TLK2: variants seen among roughly 807,000 people sequenced by gnomAD.
The protein encoded by TLK2 is tousled like kinase 2.
A neutral mutation model predicts 117.3 loss-of-function variants in TLK2; 6 were observed. The ratio of observed to expected loss-of-function variants is 0.05; its 90% CI spans 0.03 to 0.10. The LOEUF (loss-of-function observed/expected upper bound fraction) is 0.10. Ranked by LOEUF, TLK2 falls within the 10% of genes least tolerant of loss-of-function variation. The pLI is 1.00. For synonymous variants in TLK2, 257 were observed against 316.7 expected (o/e 0.81, Z 2.00); for missense variants, 299 against 901.2 (o/e 0.33, Z 8.56).
At chr17:62,495,675 T>A (rs1043116763) in intron 2 of TLK2, among the ~76,000 whole-genome samples, 14 of 89,692 alleles carry the variant, frequency 1.6e-4, no homozygotes, top group Middle Eastern at 0.011. Context: ...ATATATATAT[T>A]GGAGACGGAG....
At chr17:62,499,640 A>G (rs2074017878) in intron 2 of TLK2, among the ~76,000 whole-genome samples, 1 of 152,008 alleles carries the variant, frequency 6.6e-6, no homozygotes, top group South Asian at 2.1e-4. Flanking sequence ...GCCTGAGCTC[A>G]GGAGTTTGAG....
chr17:62,526,116 G>A (rs2076352694), intron 6 of TLK2, among the ~76,000 whole-genome samples: 1 of 152,194 alleles, frequency 6.6e-6, no homozygotes, highest in Non-Finnish European at 1.5e-5. Flanking sequence ...ATGTGGCTGA[G>A]CCTCATCATC....
At chr17:62,600,962 G>GA (rs913522652) in intron 18 of TLK2, 142 bp downstream of exon 18, 2 of 802,554 alleles carry the variant, frequency 2.5e-6, no homozygotes, top group South Asian at 2.0e-5. Context: ...GTAGGTGTGG[G>GA]AAAAAAGAGT....
At chr17:62,595,472 G>C (rs745493820) in intron 16 of TLK2, among the ~76,000 whole-genome samples, 1 of 151,906 alleles carries the variant, frequency 6.6e-6, no homozygotes, top group Non-Finnish European at 1.5e-5. Flanking sequence ...GTTTACACCA[G>C]CATCACCACA....
chr17:62,586,975 C>G (rs2081657907), intron 16 of TLK2, among the ~76,000 whole-genome samples: 2 of 152,100 alleles, frequency 1.3e-5, no homozygotes, highest in Non-Finnish European at 2.9e-5. Flanking sequence ...TGTTCAGCCT[C>G]TCTGTGCTAT....
chr17:62,606,024 AAAC>A, intron 19 of TLK2, 103 bp from the exon 20 acceptor site: 8 of 479,246 alleles, frequency 1.7e-5, no homozygotes, highest in Non-Finnish European at 2.7e-5. Flanking sequence ...AAAAAAAAAA[AAAC>A]GATATTTCTA....
At chr17:62,499,849 TAAAAAAAA>T (rs771994863) in intron 2 of TLK2, among the ~76,000 whole-genome samples, 4 of 136,910 alleles carry the variant, frequency 2.9e-5, no homozygotes, top group African/African-American at 8.1e-5. Context: ...AGACTCAGTC[TAAAAAAAA>T]AAAAAGAAAA....
intron 3 of TLK2, among the ~76,000 whole-genome samples, chr17:62,521,699 A>G (rs552296242): frequency 6.6e-6 from 1 of 151,852 alleles, no homozygotes; most frequent in Non-Finnish European, 1.5e-5. Flanking sequence ...CTTTTTGTTC[A>G]TTTGCTTAAC....
intron 12 of TLK2, among the ~76,000 whole-genome samples, chr17:62,575,041 C>T (rs938867511): frequency 3.9e-5 from 6 of 152,170 alleles, no homozygotes; most frequent in African/African-American, 1.4e-4. Flanking sequence ...GACTTTCCCT[C>T]TAGTATTATT....
chr17:62,606,490 A>G (rs1568015746), intron 20 of TLK2, among the ~76,000 whole-genome samples: 2 of 152,202 alleles, frequency 1.3e-5, no homozygotes, highest in African/African-American at 4.8e-5. Context: ...GCTGTTCTCA[A>G]TTAGATCTGG....
At chr17:62,521,733 AT>A (rs962330039) in intron 3 of TLK2, among the ~76,000 whole-genome samples, 61 of 147,206 alleles carry the variant, frequency 4.1e-4, no homozygotes, top group African/African-American at 5.4e-4. Flanking sequence ...CATGCATGAG[AT>A]TTTTTTTTTT....
In TLK2 at chr17:62,492,457, G is replaced by GT. The variant is rs1373069964; in HGVS notation, c.81+11262dup. On this transcript the variant is annotated intron_variant, in intron 2 of 21. Coordinates refer to ENST00000346027, the MANE Select transcript of TLK2 (RefSeq NM_006852.6). The stretch of plus-strand genomic sequence containing the variant: ...GGAGATAGAGATTTGTTATTAAACT[G>GT]TTTTTTTTTTTGTTTTTTGAGACTC... Among the ~76,000 whole-genome samples, 1,217 of 144,674 alleles carry GT rather than the reference G, an allele frequency of 8.4e-3. 10 individuals are homozygous for GT. The highest frequency in any genetic ancestry group is 0.011 in the Admixed American group (153 of 14,384). 94.9% of individuals were successfully genotyped at this position (144,674 alleles called of 152,430 possible).
chr17:62,551,363 T>C (rs1483543437), intron 7 of TLK2, among the ~76,000 whole-genome samples: 2 of 152,238 alleles, frequency 1.3e-5, no homozygotes, highest in South Asian at 2.1e-4. Context: ...TTTCTACTTA[T>C]GTCTGTGATG....
chr17:62,602,249 T>C lies in TLK2; in HGVS notation c.1859+69T>C. The C allele has an allele frequency of 2.0e-6, 3 of 1,513,704 alleles. No individual in the cohort carries two copies. The South Asian group carries it at 4.0e-5, about 20-fold the overall frequency. The allele number at this position is 1,513,704 out of a possible 1,614,324, so 93.8% of individuals were successfully genotyped here. On this transcript the variant is annotated intron_variant, in intron 19 of 21. Transcript: ENST00000346027. ...CTCTGCTATGCTGAAGTGTTGATAA[T>C]GAATTAATTGCTGTATGCTATCTGC...
intron 19 of TLK2, among the ~76,000 whole-genome samples, chr17:62,605,485 G>A (rs1211374536): frequency 1.3e-5 from 2 of 151,906 alleles, no homozygotes; most frequent in Non-Finnish European, 2.9e-5. Context: ...TGATCCTCCC[G>A]CCTCAGCTTC....
At position 62,601,961 on chromosome 17, in the gene TLK2, C is replaced by T. The variant is rs7218842; in HGVS notation, c.1721-81C>T. ...TTGCAAGAGTTTGAGTTCAGTTGTC[C>T]CCTTCTTATCTGCTATTACTTTGGG... On this transcript the variant is annotated intron_variant, in intron 18 of 21. Transcript: ENST00000346027. The T allele has an allele frequency of 3.1e-6, 4 of 1,269,964 alleles. No homozygotes were observed. In the East Asian group the frequency reaches 7.3e-5, roughly 23 times the overall value. 78.7% of individuals were successfully genotyped at this position (1,269,964 alleles called of 1,614,324 possible). A position where few individuals can be genotyped will look rare whatever the true frequency, so the allele number is the denominator to read the frequency against.
At chr17:62,492,707 C>G (rs1447211206) in intron 2 of TLK2, among the ~76,000 whole-genome samples, 1 of 152,036 alleles carries the variant, frequency 6.6e-6, no homozygotes. Context: ...GATCCACCCA[C>G]CTTGGCCTCC....
chr17:62,484,426 A>C (rs1370181761), intron 2 of TLK2, among the ~76,000 whole-genome samples: 1 of 151,504 alleles, frequency 6.6e-6, no homozygotes, highest in Non-Finnish European at 1.5e-5. Flanking sequence ...CCTCCCGAGT[A>C]GCTGGGATTA....
intron 7 of TLK2, chr17:62,552,000 G>C (rs1029612081): frequency 2.7e-6 from 1 of 367,424 alleles, no homozygotes; most frequent in Non-Finnish European, 5.2e-6. Context: ...AGTGAAAAAG[G>C]CAAGTTATTA....
Sources: gnomAD v4.1 joint callset for allele counts (sites outside exome capture counted in the v4.1 genomes callset) on GRCh38, gnomAD v4.1.1 for gene constraint, MANE v1.5 for transcripts, NCBI Gene and HGNC (gene_info 2026-07-23, HGNC 2026-07-21) for gene names.